The following ZNF423 variants were observed in gnomAD, a reference collection of about 807,000 sequenced individuals.
ZNF423 encodes zinc finger protein 423, also known as Ebf-associated zinc finger protein.
A neutral mutation model predicts 95.8 loss-of-function variants in ZNF423; 12 were observed. That is an observed-to-expected ratio of 0.13 (90% CI 0.08 to 0.20). The LOEUF (loss-of-function observed/expected upper bound fraction) is 0.20. Ranked by LOEUF, ZNF423 falls within the 10% of genes least tolerant of loss-of-function variation. ZNF423 has a pLI of 1.00. For missense variants in ZNF423, 1,316 were observed against 1,737.1 expected, an observed-to-expected ratio of 0.76 and a Z score of 4.31; for synonymous variants, 749 against 711.9, an observed-to-expected ratio of 1.05 and a Z score of -0.83.
intron 1 of ZNF423, chr16:49,854,213 A>C (rs1454291327): frequency 1.0e-6 from 1 of 985,282 alleles, no homozygotes; most frequent in Admixed American, 6.2e-5. Context: ...AGCCAGGGTG[A>C]GGCGAACAAG....
chr16:49,559,573 AAAGACCAGG>A (rs1969951257), intron 5 of ZNF423, among the ~76,000 whole-genome samples: 1 of 152,184 alleles, frequency 6.6e-6, no homozygotes, highest in African/African-American at 2.4e-5. Flanking sequence ...CCCCCACTGA[AAAGACCAGG>A]ACTTAATATC....
chr16:49,728,552 A>G (rs540407114), intron 3 of ZNF423, among the ~76,000 whole-genome samples: 2 of 152,270 alleles, frequency 1.3e-5, no homozygotes, highest in African/African-American at 2.4e-5. Flanking sequence ...CAGGGCTGCC[A>G]TGGATTTCAC....
Position 49,550,355 on chromosome 16 carries a change from G to A in ZNF423, c.3602-24861C>T, listed in dbSNP as rs560845588. On this transcript the variant is annotated intron_variant, in intron 5 of 7. Transcript: ENST00000563137. ...TCTCTTCCATTCTGTGTTCTGCTCCGCCCTACTGTTTCCTCTTTCATTTCG... is the reference window on the plus strand; with the variant it reads ...TCTCTTCCATTCTGTGTTCTGCTCCACCCTACTGTTTCCTCTTTCATTTCG... Among the ~76,000 whole-genome samples the A allele has an allele frequency of 1.5e-4, 23 of 152,196 alleles. No individual in the cohort carries two copies. In the South Asian group the frequency reaches 2.1e-3, roughly 14 times the overall value.
intron 1 of ZNF423, among the ~76,000 whole-genome samples, chr16:49,827,797 T>C (rs2144046069): frequency 6.6e-6 from 1 of 151,468 alleles, no homozygotes; most frequent in Non-Finnish European, 1.5e-5. Context: ...TTATGTTGCC[T>C]TTTTTTTTCA....
intron 3 of ZNF423, among the ~76,000 whole-genome samples, chr16:49,671,271 G>T (rs1031509117): frequency 2.1e-4 from 32 of 152,196 alleles, no homozygotes; most frequent in African/African-American, 7.0e-4. Flanking sequence ...TAAGGGACGA[G>T]GTGTGAAGGG....
chr16:49,767,275 A>C (rs1215660389), intron 2 of ZNF423, among the ~76,000 whole-genome samples: 1 of 152,090 alleles, frequency 6.6e-6, no homozygotes, highest in Non-Finnish European at 1.5e-5. Context: ...TAACCATTAG[A>C]CTGTGATGGT....
chr16:49,643,067 C>T (rs560729105), intron 3 of ZNF423, among the ~76,000 whole-genome samples: 11 of 152,112 alleles, frequency 7.2e-5, no homozygotes, highest in South Asian at 2.1e-4. Context: ...GTGATCCACC[C>T]GCCTCAGCCT....
chr16:49,720,427 C>G (rs1775541586), intron 3 of ZNF423, among the ~76,000 whole-genome samples: 1 of 152,168 alleles, frequency 6.6e-6, no homozygotes, highest in African/African-American at 2.4e-5. Context: ...CAATCCCACC[C>G]CCCACCAGCA....
At chr16:49,816,284 G>A (rs907369491) in intron 1 of ZNF423, among the ~76,000 whole-genome samples, 35 of 152,140 alleles carry the variant, frequency 2.3e-4, no homozygotes, top group East Asian at 1.9e-3. Flanking sequence ...TGCGCTCCTC[G>A]GGTTCCCAGA....
At chr16:49,585,656 C>T (rs990471103) in intron 5 of ZNF423, among the ~76,000 whole-genome samples, 3 of 152,164 alleles carry the variant, frequency 2.0e-5, no homozygotes, top group Non-Finnish European at 2.9e-5. Flanking sequence ...GGCAATTAGC[C>T]GGCTGACTGT....
At chr16:49,717,013 C>T (rs1298938873) in intron 3 of ZNF423, among the ~76,000 whole-genome samples, 2 of 152,106 alleles carry the variant, frequency 1.3e-5, no homozygotes, top group Non-Finnish European at 2.9e-5. Flanking sequence ...ATCTCTCAGC[C>T]CCAAGCCTGC....
At chr16:49,613,552 T>G (rs1971789201) in intron 5 of ZNF423, among the ~76,000 whole-genome samples, 1 of 152,130 alleles carries the variant, frequency 6.6e-6, no homozygotes, top group Non-Finnish European at 1.5e-5. Flanking sequence ...TAGCCAGATG[T>G]GGTGGCCTAT....
chr16:49,724,873 A>G (rs536076253), intron 3 of ZNF423, among the ~76,000 whole-genome samples: 1 of 152,316 alleles, frequency 6.6e-6, no homozygotes, highest in South Asian at 2.1e-4. Context: ...TTAACCCACC[A>G]GGAACACATT....
At chr16:49,742,537 ACT>A (rs1348245639) in intron 2 of ZNF423, among the ~76,000 whole-genome samples, 34 of 152,150 alleles carry the variant, frequency 2.2e-4, no homozygotes, top group African/African-American at 7.9e-4. Context: ...AAAATTGTGC[ACT>A]GTTACCTCCT....
intron 3 of ZNF423, among the ~76,000 whole-genome samples, chr16:49,681,962 T>A (rs2031375837): frequency 6.6e-6 from 1 of 151,926 alleles, no homozygotes; most frequent in Non-Finnish European, 1.5e-5. Flanking sequence ...ATTCTTTCTG[T>A]ACCTAACAAG....
intron 3 of ZNF423, among the ~76,000 whole-genome samples, chr16:49,702,905 A>ACACG (rs948582121): frequency 1.1e-4 from 12 of 105,558 alleles, no homozygotes; most frequent in African/African-American, 4.1e-4. Flanking sequence ...GCCTGTGTGC[A>ACACG]CACGCACACA....
At position 49,730,754 on chromosome 16, in the gene ZNF423, G is replaced by A; in HGVS notation, c.301+17C>T. Reference sequence around the variant, plus strand: ...CGTGTAACCACCTGTCAGAGTCCTGGGGCTGTTTTGCATTACCTCCAGGAC... The same window carrying A: ...CGTGTAACCACCTGTCAGAGTCCTGAGGCTGTTTTGCATTACCTCCAGGAC... On this transcript the variant is annotated intron_variant, in intron 3 of 7. Coordinates refer to ENST00000563137, the MANE Select transcript of ZNF423 (RefSeq NM_001379286.1). 9 of 1,614,084 alleles carry A rather than the reference G, an allele frequency of 5.6e-6. No homozygotes were observed. The highest frequency in any genetic ancestry group is 7.6e-6 in the Non-Finnish European group (9 of 1,179,966).
chr16:49,624,479 C>T (rs1314284041), intron 5 of ZNF423, among the ~76,000 whole-genome samples: 1 of 151,978 alleles, frequency 6.6e-6, no homozygotes, highest in Non-Finnish European at 1.5e-5. Context: ...CTTGAACCTG[C>T]GAGGCGGAGG....
At chr16:49,626,296 G>A (rs955815211) in intron 4 of ZNF423, 42 bp from the exon 5 acceptor site, 3 of 1,600,400 alleles carry the variant, frequency 1.9e-6, no homozygotes, top group Non-Finnish European at 8.6e-7. Context: ...GAGGCAGGAG[G>A]TAGGAAAAAG....
Sources: allele counts gnomAD v4.1 joint callset (sites outside exome capture counted in the v4.1 genomes callset), GRCh38; gene constraint gnomAD v4.1.1; transcripts MANE v1.5; gene names NCBI Gene and HGNC (gene_info 2026-07-23, HGNC 2026-07-21).